The following POU2F2 variants were observed in gnomAD, a reference collection of about 807,000 sequenced individuals.
The protein encoded by POU2F2 is POU class 2 homeobox 2, also known as POU domain, class 2, transcription factor 2.
In POU2F2, 14 loss-of-function variants were observed where a neutral mutation model predicts 63.5. The observed-to-expected ratio is 0.22, with a 90% CI of 0.15 to 0.34. The LOEUF is 0.34. Among genes scored for constraint, POU2F2 ranks in the 10% least tolerant of loss-of-function variants. The probability of loss-of-function intolerance (pLI) is 1.00; values close to 1 mark genes in which losing one functional copy is unlikely to be tolerated. For synonymous variants in POU2F2, 306 were observed against 348.6 expected (o/e 0.88, Z 1.36); for missense variants, 607 against 815.2 (o/e 0.74, Z 3.11).
At chr19:42,179,853 C>T (rs146698905), upstream of POU2F2, among the ~76,000 whole-genome samples, 15 of 152,280 alleles carry the variant, frequency 9.9e-5, no homozygotes, top group East Asian at 5.8e-4. Context: ...ACTCCCTGTA[C>T]GGAGCAGCCT....
At chr19:42,131,191 G>C (rs2033699414) in intron 1 of POU2F2, among the ~76,000 whole-genome samples, 1 of 146,222 alleles carries the variant, frequency 6.8e-6, no homozygotes, top group Admixed American at 6.8e-5. Flanking sequence ...CCTCTGCCTG[G>C]ACCTCCCCCA....
intron 2 of POU2F2, among the ~76,000 whole-genome samples, chr19:42,151,974 G>T (rs1206747423): frequency 6.6e-6 from 1 of 152,134 alleles, no homozygotes; most frequent in African/African-American, 2.4e-5. Flanking sequence ...ACATAGACAG[G>T]GTGCTCCTGA....
intron 5 of POU2F2, among the ~76,000 whole-genome samples, chr19:42,112,629 C>T (rs2031283737): frequency 6.6e-6 from 1 of 152,174 alleles, no homozygotes; most frequent in Non-Finnish European, 1.5e-5. Context: ...CTCGGCCTCC[C>T]AGAGTGCTGG....
At chr19:42,122,401 T>C in intron 2 of POU2F2, 23 bp from the exon 3 acceptor site, 1 of 1,611,316 alleles carries the variant, frequency 6.2e-7, no homozygotes, top group Non-Finnish European at 8.5e-7. Context: ...GGAAAGGATG[T>C]GTTGTCATCA....
chr19:42,179,479 G>GT (rs1317801257), upstream of POU2F2, among the ~76,000 whole-genome samples: 3 of 151,802 alleles, frequency 2.0e-5, no homozygotes, highest in African/African-American at 4.8e-5. Flanking sequence ...GTTGCAAGTG[G>GT]TACCCAGACC....
At chr19:42,157,636 C>G (rs949770197) in intron 2 of POU2F2, 1 of 152,278 alleles carries the variant, frequency 6.6e-6, no homozygotes, top group African/African-American at 2.4e-5. Flanking sequence ...GAGGTCCCCT[C>G]ACCCAGAGGC....
intron 1 of POU2F2, among the ~76,000 whole-genome samples, chr19:42,190,199 C>G (rs2035060853): frequency 6.6e-6 from 1 of 151,698 alleles, no homozygotes; most frequent in African/African-American, 2.4e-5. Flanking sequence ...GAGAGGAGGA[C>G]AAGAACAGAG....
upstream of POU2F2, chr19:42,132,688 G>A: frequency 2.6e-6 from 1 of 385,124 alleles, no homozygotes; most frequent in Non-Finnish European, 4.6e-6. Context: ...GCCTGCAACA[G>A]TTGCCCCCCG....
At chr19:42,122,451 C>T in intron 2 of POU2F2, 60 bp downstream of exon 2, 1 of 1,608,992 alleles carries the variant, frequency 6.2e-7, no homozygotes, top group East Asian at 2.2e-5. Flanking sequence ...GCTCTCTTCC[C>T]ATCTGTCCCA....
rs535242155 is a variant in POU2F2, at chr19:42,169,795, G to T, written c.-70+6168C>A. On this transcript the variant is annotated intron_variant, in intron 1 of 6. Coordinates refer to the POU2F2 transcript ENST00000524801. This position sits in a 1 kb window ranked among gnomAD's most constrained non-coding sequence, Gnocchi z 4.3. ...GTCGGGGTGATATAAACACATGTGC[G>T]TGTGTACCTGTGTGTCTTTCTTCCC... Among the ~76,000 whole-genome samples, 10 of 152,188 alleles carry T rather than the reference G, an allele frequency of 6.6e-5. No homozygotes were observed. The South Asian group carries it at 1.9e-3, about 28-fold the overall frequency.
intron 2 of POU2F2, among the ~76,000 whole-genome samples, chr19:42,146,481 C>T (rs991000166): frequency 1.3e-5 from 2 of 152,232 alleles, no homozygotes; most frequent in African/African-American, 4.8e-5. Flanking sequence ...TGATTCACAA[C>T]AATTCTGGGA....
chr19:42,166,304 ACT>A (rs1044534534), intron 1 of POU2F2, among the ~76,000 whole-genome samples: 1 of 151,684 alleles, frequency 6.6e-6, no homozygotes, highest in African/African-American at 2.4e-5. Flanking sequence ...CTCTGGGGAC[ACT>A]CTATGCTCAG....
chr19:42,140,694 C>T (rs2034109971), intron 2 of POU2F2, among the ~76,000 whole-genome samples: 1 of 152,226 alleles, frequency 6.6e-6, no homozygotes, highest in African/African-American at 2.4e-5. Context: ...CGCCTATTTG[C>T]TTTACTGTCT....
At chr19:42,093,956 C>T (rs1030967560) in intron 11 of POU2F2, 61 bp from the exon 12 acceptor site, 1 of 1,426,350 alleles carries the variant, frequency 7.0e-7, no homozygotes, top group East Asian at 2.3e-5. Flanking sequence ...CCGTGATGCT[C>T]CCTGTAGGAC....
At chr19:42,180,690 G>A (rs1053656297), upstream of POU2F2, among the ~76,000 whole-genome samples, 3 of 152,124 alleles carry the variant, frequency 2.0e-5, no homozygotes, top group African/African-American at 7.2e-5. Flanking sequence ...TATACAGTGA[G>A]TATACACTAA....
At chr19:42,176,081 G>GACAA (rs2146808685), upstream of POU2F2, 1 of 128,678 alleles carries the variant, frequency 7.8e-6, no homozygotes, top group Admixed American at 7.8e-5. Context: ...GAGAGAGAGA[G>GACAA]AAAAAAAAAA....
intron 4 of POU2F2, among the ~76,000 whole-genome samples, chr19:42,120,523 A>G (rs2032483532): frequency 1.3e-5 from 2 of 152,226 alleles, no homozygotes; most frequent in Non-Finnish European, 2.9e-5. Context: ...CCCAGCCCTA[A>G]TCTCCTTTTT....
upstream of POU2F2, among the ~76,000 whole-genome samples, chr19:42,176,839 A>C (rs1599722063): frequency 6.6e-6 from 1 of 151,506 alleles, no homozygotes; most frequent in African/African-American, 2.4e-5. Context: ...CGCGGTGCGG[A>C]GTGAGCGGCG....
At chr19:42,129,562 C>T (rs961344897) in intron 1 of POU2F2, among the ~76,000 whole-genome samples, 2 of 152,210 alleles carry the variant, frequency 1.3e-5, no homozygotes, top group African/African-American at 4.8e-5. Context: ...ATATAGAGGG[C>T]CCAAGGACTG....
Sources: allele counts gnomAD v4.1 joint callset (sites outside exome capture counted in the v4.1 genomes callset), GRCh38; gene constraint gnomAD v4.1.1; non-coding constraint Gnocchi (gnomAD v3.1); transcripts MANE v1.5; gene names NCBI Gene and HGNC (gene_info 2026-07-23, HGNC 2026-07-21).